The following PCDHA3 variants were observed in gnomAD, a reference collection of about 807,000 sequenced individuals.
PCDHA3 encodes the protein protocadherin alpha-3.
In PCDHA3, 41 loss-of-function variants were observed where a neutral mutation model predicts 62.2. The ratio of observed to expected loss-of-function variants is 0.66; its 90% CI spans 0.51 to 0.86. PCDHA3 has a LOEUF of 0.86. Among genes scored for constraint, PCDHA3 ranks in the 40% least tolerant of loss-of-function variants. The pLI, the probability that PCDHA3 is intolerant of heterozygous loss-of-function variation, is 0.00. For synonymous variants in PCDHA3, 640 were observed against 555.4 expected (o/e 1.15, Z -2.14); for missense variants, 1,304 against 1,241.2 (o/e 1.05, Z -0.76).
chr5:141,007,694 C>T (rs1466885866), intron 3 of PCDHA3, among the ~76,000 whole-genome samples: 1 of 152,186 alleles, frequency 6.6e-6, no homozygotes, highest in Non-Finnish European at 1.5e-5. Context: ...CTTCCACCTC[C>T]CTCCTCTGCC....
intron 1 of PCDHA3, chr5:140,821,919 G>T: frequency 6.2e-7 from 1 of 1,614,198 alleles, no homozygotes; most frequent in East Asian, 2.2e-5. Flanking sequence ...GCCGCATCGC[G>T]CAGGACCTAG....
intron 1 of PCDHA3, chr5:140,967,025 C>A: frequency 1.2e-6 from 2 of 1,608,362 alleles, no homozygotes; most frequent in Non-Finnish European, 8.5e-7. Flanking sequence ...TGCGCCCAGT[C>A]CGCGCTACCT....
At chr5:140,969,228 G>A in intron 1 of PCDHA3, 1 of 1,614,176 alleles carries the variant, frequency 6.2e-7, no homozygotes, top group Non-Finnish European at 8.5e-7. Flanking sequence ...GGGCCTTCGG[G>A]AGCCCAAGCA....
rs2150134243 is a variant in PCDHA3, at chr5:140,824,366, T to G, written c.2394+20775T>G. On this transcript the variant is annotated intron_variant, in intron 1 of 3. Transcript: ENST00000522353. ...TAAAATAATATTTTATATTAGCATT[T>G]GAATTTTGCATCTCTAAAAATGTAG... 3.7e-5 allele frequency: 21 copies of G among 572,978 alleles called. 1 individual carries two copies. The highest frequency in any genetic ancestry group is 2.8e-4 in the Admixed American group (8 of 28,562). 35.5% of individuals were successfully genotyped at this position (572,978 alleles called of 1,614,324 possible).
chr5:141,008,265 G>C (rs748504708), intron 3 of PCDHA3, among the ~76,000 whole-genome samples: 4 of 152,200 alleles, frequency 2.6e-5, no homozygotes, highest in Admixed American at 6.5e-5. Flanking sequence ...AGACTGAGAA[G>C]TAATAGGAAA....
rs141822998 is a variant in PCDHA3 at position 140,801,109 on chromosome 5, G to A, written c.-89G>A. 3.2e-3 allele frequency: 4,863 copies of A among 1,510,728 alleles called. 15 individuals carry two copies. The highest frequency in any genetic ancestry group is 3.9e-3 in the Non-Finnish European group (4,472 of 1,135,712). The allele number at this position is 1,510,728 out of a possible 1,614,324, so 93.6% of individuals were successfully genotyped here. ...CATCCTCTCTAAAATTTAACACCGA[G>A]GAGTTTAAGAAATGAAGATAAGGAA... is the stretch of plus-strand genomic sequence containing the variant. On this transcript the variant is annotated 5_prime_UTR_variant, in exon 1 of 4. Transcript: ENST00000522353.
At chr5:140,863,247 C>A (rs782167324) in intron 1 of PCDHA3, 18 of 1,379,648 alleles carry the variant, frequency 1.3e-5, no homozygotes, top group Non-Finnish European at 1.6e-5. Context: ...CTTTGGCGGG[C>A]GTCGAGGTCC....
chr5:140,822,125 A>T, intron 1 of PCDHA3: 1 of 1,614,236 alleles, frequency 6.2e-7, no homozygotes, highest in Non-Finnish European at 8.5e-7. Flanking sequence ...CAGGTTTTCC[A>T]TGTGGAGGTG....
intron 1 of PCDHA3, chr5:140,822,279 A>G: frequency 6.2e-7 from 1 of 1,614,250 alleles, no homozygotes; most frequent in East Asian, 2.2e-5. Context: ...CACAATTGAG[A>G]TACAGGTTAA....
intron 3 of PCDHA3, among the ~76,000 whole-genome samples, chr5:140,999,672 C>T (rs2153958475): frequency 6.6e-6 from 1 of 152,214 alleles, no homozygotes; most frequent in South Asian, 2.1e-4. Context: ...TTGCGGGGGG[C>T]TCACAGAAAG....
rs1777021029 is a variant in PCDHA3 at position 140,841,107 on chromosome 5, T to G, written c.2394+37516T>G. On this transcript the variant is annotated intron_variant, in intron 1 of 3. Coordinates refer to ENST00000522353, the MANE Select transcript of PCDHA3 (RefSeq NM_018906.3). ...TAGAAGAACCCAGATATTGCGGAAG[T>G]AATTCATGTAATCATTACCTTTTGA... 4 of 589,342 alleles carry G rather than the reference T, an allele frequency of 6.8e-6. No homozygotes were observed. In the South Asian group the frequency reaches 9.7e-5, roughly 14 times the overall value. The allele number at this position is 589,342 out of a possible 1,614,324, so 36.5% of individuals were successfully genotyped here. A position where few individuals can be genotyped will look rare whatever the true frequency, so the allele number is the denominator to read the frequency against.
At chr5:140,855,460 A>T (rs2150336256) in intron 1 of PCDHA3, among the ~76,000 whole-genome samples, 1 of 150,080 alleles carries the variant, frequency 6.7e-6, no homozygotes, top group African/African-American at 2.4e-5. Context: ...TAAACACCTC[A>T]CAGATAGTTG....
intron 1 of PCDHA3, chr5:140,843,264 T>C (rs1188408324): frequency 6.3e-7 from 1 of 1,595,962 alleles, no homozygotes; most frequent in Admixed American, 1.7e-5. Flanking sequence ...CACCGTCTGC[T>C]GGTCCTGGTG....
chr5:140,815,973 G>A (rs1466366404), intron 1 of PCDHA3: 4 of 152,142 alleles, frequency 2.6e-5, no homozygotes, highest in African/African-American at 4.8e-5. Flanking sequence ...TCTTTTGTAC[G>A]TGATGAGGCA....
chr5:140,871,026 G>C (rs1562655563), intron 1 of PCDHA3: 2 of 1,613,220 alleles, frequency 1.2e-6, no homozygotes, highest in Non-Finnish European at 8.5e-7. Flanking sequence ...AGGCAGACTC[G>C]CCGCGCCACC....
intron 1 of PCDHA3, among the ~76,000 whole-genome samples, chr5:140,910,092 C>T (rs1554194118): frequency 6.6e-6 from 1 of 152,170 alleles, no homozygotes; most frequent in African/African-American, 2.4e-5. Context: ...GGGGAACCAG[C>T]CTCCCCTTCA....
Position 140,856,935 on chromosome 5 carries a change from A to G in PCDHA3, c.2394+53344A>G, listed in dbSNP as rs1554149306. 4 of 1,594,120 alleles carry G rather than the reference A, an allele frequency of 2.5e-6. 1 individual carries two copies. The African/African-American group carries it at 5.4e-5, about 21-fold the overall frequency. ...ATAAGAAGGAAATTTTGGATAAACGAAAGGACGGGAGAAATAAAAGTAAAT... is the reference window on the plus strand; with the variant it reads ...ATAAGAAGGAAATTTTGGATAAACGGAAGGACGGGAGAAATAAAAGTAAAT... On this transcript the variant is annotated intron_variant, in intron 1 of 3. Transcript: ENST00000522353.
intron 1 of PCDHA3, chr5:140,884,280 A>G: frequency 6.2e-7 from 1 of 1,613,576 alleles, no homozygotes; most frequent in Non-Finnish European, 8.5e-7. Context: ...TCGCTGGTGG[A>G]GAGCGGCCAA....
chr5:140,829,594 G>A (rs141465004), intron 1 of PCDHA3: 1 of 1,611,864 alleles, frequency 6.2e-7, no homozygotes, highest in African/African-American at 1.3e-5. Flanking sequence ...GGGTGGGCGA[G>A]CGCGCGTTGT....
Sources: gnomAD v4.1 joint callset for allele counts (sites outside exome capture counted in the v4.1 genomes callset) on GRCh38, gnomAD v4.1.1 for gene constraint, MANE v1.5 for transcripts, NCBI Gene and HGNC (gene_info 2026-07-23, HGNC 2026-07-21) for gene names.